NPDC1: variants seen among roughly 807,000 people sequenced by gnomAD.
NPDC1 encodes the protein neural proliferation, differentiation and control 1.
NPDC1 carries 18 observed loss-of-function variants against 32.5 expected under a neutral mutation model. The observed-to-expected ratio is 0.55, with a 90% CI of 0.38 to 0.82. The LOEUF (loss-of-function observed/expected upper bound fraction) is 0.82, where lower values mean the gene tolerates loss of function less well. Among genes scored for constraint, NPDC1 ranks in the 40% least tolerant of loss-of-function variants. The probability of loss-of-function intolerance (pLI) is 0.00; values close to 1 mark genes in which losing one functional copy is unlikely to be tolerated. For missense variants in NPDC1, 468 were observed against 406.6 expected, an observed-to-expected ratio of 1.15 and a Z score of -1.30; for synonymous variants, 210 against 184.7, an observed-to-expected ratio of 1.14 and a Z score of -1.11.
rs776417825 is a variant in NPDC1 at position 137,041,229 on chromosome 9, G to A, written c.260-42C>T. On this transcript the variant is annotated intron_variant, in intron 2 of 8. Transcript: ENST00000371601. ...GCCATCAGGTGGAGGGGTCCGTCCA[G>A]GAGGTAGCCCCAGGCCCGGCCTCCC... 31 of 1,387,572 alleles carry A rather than the reference G, an allele frequency of 2.2e-5. No individual in the cohort carries two copies. In the African/African-American group the frequency reaches 4.2e-4, roughly 19 times the overall value. 86.0% of individuals were successfully genotyped at this position (1,387,572 alleles called of 1,614,324 possible).
Position 137,045,956 on chromosome 9 carries a change from G to A in NPDC1, c.34C>T (p.His12Tyr). 1 of 1,192,960 alleles carries A rather than the reference G, an allele frequency of 8.4e-7. No homozygotes were observed. Among genetic ancestry groups the A allele is most frequent in the Non-Finnish European group, 1.0e-6 (1 of 963,008 alleles). The allele number at this position is 1,192,960 out of a possible 1,614,324, so 73.9% of individuals were successfully genotyped here. ...ATPLPPPSPR[H>Y]LRLLRLLLSG... The stretch of plus-strand genomic sequence containing the variant: ...AGCAGCAGCCGCAGCAGCCGCAGGT[G>A]CCGCGGGGAGGGCGGAGGCAGCGGC... The change falls in exon 1 of 9, where the codon CAC becomes TAC. Residue 12 changes from histidine to tyrosine, a missense_variant. By Grantham distance (83) the His-to-Tyr change is moderately conservative (BLOSUM62 2). Transcript: ENST00000371601.
Position 137,041,053 on chromosome 9 carries a change from G to T in NPDC1, c.385+9C>A. 1 of 1,520,172 alleles carries T rather than the reference G, an allele frequency of 6.6e-7. No homozygotes were observed. Among genetic ancestry groups the T allele is most frequent in the Non-Finnish European group, 8.8e-7 (1 of 1,135,522 alleles). 94.2% of individuals were successfully genotyped at this position (1,520,172 alleles called of 1,614,324 possible). ...CAGGGCCGTGGGGCAGGGGAAGCGG[G>T]GGTCTCACCAGGCTCCGGGAGCCGC... On this transcript the variant is annotated intron_variant, in intron 3 of 8. Coordinates refer to ENST00000371601, the MANE Select transcript of NPDC1 (RefSeq NM_015392.4).
At chr9:137,043,826 GC>G (rs1832091083) in intron 1 of NPDC1, 1 of 180,948 alleles carries the variant, frequency 5.5e-6, no homozygotes, top group African/African-American at 2.4e-5. Context: ...CTGATGAGGG[GC>G]CCAGGCCACG....
chr9:137,040,562 G>C lies in NPDC1; in HGVS notation c.660C>G (p.Asp220Glu). The C allele has an allele frequency of 1.3e-6, 2 of 1,584,696 alleles. No homozygotes were observed. Among genetic ancestry groups the C allele is most frequent in the Non-Finnish European group, 1.7e-6 (2 of 1,171,384 alleles). ...AGCCAGGGGCCTTCGCAGTGGCGTA[G>C]TCGGCCTTCTGAGTCAGGCGGATCT... is the stretch of plus-strand genomic sequence containing the variant. Reference protein sequence around the residue: ...QREIRLTQKADYATAKAPGSP... With the variant: ...QREIRLTQKAEYATAKAPGSP... The change falls in exon 6 of 9, where the codon GAC becomes GAG. Residue 220 changes from aspartate (D) to glutamate (E), a missense_variant. Transcript: ENST00000371601.
intron 1 of NPDC1, chr9:137,043,428 G>A (rs1296654583): frequency 1.5e-6 from 1 of 665,492 alleles, no homozygotes; most frequent in Non-Finnish European, 2.8e-6. Context: ...ATGCCCCACA[G>A]CAAGCCAGGA....
In NPDC1 at chr9:137,043,194, G is replaced by A. The variant is rs1053907319; in HGVS notation, c.113-121C>T. ...CCCCGAGCTGGCCGGGCCTGGTTCT[G>A]GCCATTGTTCTGGACATGCCCTTCC... On this transcript the variant is annotated intron_variant, in intron 1 of 8. Transcript: ENST00000371601. 3.9e-5 allele frequency: 46 copies of A among 1,167,448 alleles called. No individual in the cohort carries two copies. In the Middle Eastern group the frequency reaches 1.5e-3, roughly 39 times the overall value. 72.3% of individuals were successfully genotyped at this position (1,167,448 alleles called of 1,614,324 possible).
chr9:137,044,601 C>T (rs1001662912), intron 1 of NPDC1, among the ~76,000 whole-genome samples: 5 of 152,230 alleles, frequency 3.3e-5, no homozygotes, highest in South Asian at 2.1e-4. Flanking sequence ...CCCCTCCACC[C>T]GCCAACGTCT....
Position 137,040,800 on chromosome 9 carries a change from C to T in NPDC1, c.556+14G>A, listed in dbSNP as rs200692826. The stretch of plus-strand genomic sequence containing the variant: ...GCGCCCTGCTGCCCCTGCCCACCCC[C>T]GACCAAGACCTACCAAGGGCGAGGC... On this transcript the variant is annotated intron_variant, in intron 4 of 8. Coordinates refer to ENST00000371601, the MANE Select transcript of NPDC1 (RefSeq NM_015392.4). 411 of 1,588,426 alleles carry T rather than the reference C, an allele frequency of 2.6e-4. 3 individuals carry two copies. In the East Asian group the frequency reaches 7.2e-3, roughly 28 times the overall value.
At position 137,039,795 on chromosome 9, in the gene NPDC1, T is replaced by G; in HGVS notation, c.955A>C (p.Ser319Arg). Residue 319 changes from serine to arginine, a missense_variant, in exon 9 of 9, where the codon AGC (serine) becomes CGC (arginine). Coordinates refer to ENST00000371601, the MANE Select transcript of NPDC1 (RefSeq NM_015392.4). ...AALSAPLPAP[S>R]SPPALP ...GGTCATGGCAGTGCAGGCGGTGAGC[T>G]GGGGGCCGGCAGGGGCGCGGACAGT... The G allele has an allele frequency of 1.3e-6, 1 of 775,718 alleles. No homozygotes were observed. Among genetic ancestry groups the G allele is most frequent in the South Asian group, 1.3e-5 (1 of 74,466 alleles). The allele number at this position is 775,718 out of a possible 1,614,324, so 48.1% of individuals were successfully genotyped here. A position where few individuals can be genotyped will look rare whatever the true frequency, so the allele number is the denominator to read the frequency against.
At chr9:137,045,617 A>C (rs1423410014) in intron 1 of NPDC1, among the ~76,000 whole-genome samples, 1 of 152,202 alleles carries the variant, frequency 6.6e-6, no homozygotes, top group Non-Finnish European at 1.5e-5. Flanking sequence ...CCGGCGGAAG[A>C]AGCCATGAAT....
Position 137,040,975 on chromosome 9 carries a change from C to T in NPDC1, c.395G>A (p.Gly132Asp), listed in dbSNP as rs1832040723. The stretch of plus-strand genomic sequence containing the variant: ...CAGCCCCTGCCCCCGTGCCGAGAAG[C>T]CCAGGGTGGCTGCGAGAGAGGACAG... ...RQRLPEPATL[G>D]FSARGQGLEL... The change falls in exon 4 of 9, where the codon GGC (glycine) becomes GAC (aspartate). Residue 132 changes from glycine to aspartate, a missense_variant. Physicochemically the swap from Gly to Asp is moderately conservative, Grantham distance 94 (BLOSUM62 -1). Coordinates refer to ENST00000371601, the MANE Select transcript of NPDC1 (RefSeq NM_015392.4). 6.5e-7 allele frequency: 1 copy of T among 1,539,084 alleles called. No homozygotes were observed. Among genetic ancestry groups the T allele is most frequent in the Non-Finnish European group, 8.7e-7 (1 of 1,145,698 alleles).
chr9:137,040,085 G>T lies in NPDC1; in HGVS notation c.789-18C>A. On this transcript the variant is annotated intron_variant, in intron 7 of 8. Coordinates refer to ENST00000371601, the MANE Select transcript of NPDC1 (RefSeq NM_015392.4). ...CTTTATGCCTGGGTGGGGGGGGATC[G>T]CTGGGTCCTCCCCATGCCCTCGAGG... 1 of 773,978 alleles carries T rather than the reference G, an allele frequency of 1.3e-6. No individual in the cohort carries two copies. 47.9% of individuals were successfully genotyped at this position (773,978 alleles called of 1,614,324 possible). A position where few individuals can be genotyped will look rare whatever the true frequency, so the allele number is the denominator to read the frequency against.
rs1588546414 is a variant in NPDC1 at position 137,039,530 on chromosome 9, C to T, written c.*242G>A. On this transcript the variant is annotated 3_prime_UTR_variant, in exon 9 of 9. Coordinates refer to ENST00000371601, the MANE Select transcript of NPDC1 (RefSeq NM_015392.4). ...ATTACCCACCCGTTCCTGCGCTCTA[C>T]GGTTCTCCATGCCCCCTCCAGTTTG... The T allele has an allele frequency of 7.9e-6, 4 of 508,582 alleles. No homozygotes were observed. The highest frequency in any genetic ancestry group is 3.9e-5 in the African/African-American group (2 of 51,088). 31.5% of individuals were successfully genotyped at this position (508,582 alleles called of 1,614,324 possible). A position where few individuals can be genotyped will look rare whatever the true frequency, so the allele number is the denominator to read the frequency against.
chr9:137,044,325 G>A (rs963895911), intron 1 of NPDC1, among the ~76,000 whole-genome samples: 1 of 152,328 alleles, frequency 6.6e-6, no homozygotes, highest in Non-Finnish European at 1.5e-5. Context: ...ACTTGGGCAC[G>A]TTAAACATTA....
rs994271126 is a variant in NPDC1 at position 137,042,842 on chromosome 9, G to A, written c.259+85C>T. ...CACAGTGCTGGGATTACAGGCATGA[G>A]CCACCGCGCCCAGCCGGCCGCTTCT... On this transcript the variant is annotated intron_variant, in intron 2 of 8. Transcript: ENST00000371601. The A allele has an allele frequency of 9.4e-6, 14 of 1,495,646 alleles. No homozygotes were observed. The Middle Eastern group carries it at 5.4e-4, about 57-fold the overall frequency. The allele number at this position is 1,495,646 out of a possible 1,614,324, so 92.6% of individuals were successfully genotyped here.
intron 2 of NPDC1, among the ~76,000 whole-genome samples, chr9:137,042,702 G>C (rs1468107155): frequency 6.6e-6 from 1 of 151,950 alleles, no homozygotes; most frequent in East Asian, 1.9e-4. Context: ...TGGGACTACA[G>C]GTGTGTGCCA....
intron 2 of NPDC1, 68 bp from the exon 3 acceptor site, chr9:137,041,255 C>T (rs557488598): frequency 1.2e-5 from 16 of 1,335,420 alleles, no homozygotes; most frequent in East Asian, 1.2e-4. Flanking sequence ...CCGGCCTCCC[C>T]GCTTCTGGCA....
At position 137,040,702 on chromosome 9, in the gene NPDC1, C is replaced by T. The variant is rs138330772; in HGVS notation, c.592G>A (p.Ala198Thr). ...CAGCAGAGGGAGGCTACGGAGAGGG[C>T]GGCTGCACCGGCCACACAGAACGCC... ...ILAFCVAGAAALSVASLCWCR... is the reference protein window; with the variant it reads ...ILAFCVAGAATLSVASLCWCR... Residue 198 changes from alanine (A) to threonine (T), a missense_variant, in exon 5 of 9, where the codon GCC becomes ACC. Ala to Thr is a moderately conservative substitution (Grantham distance 58). Coordinates refer to ENST00000371601, the MANE Select transcript of NPDC1 (RefSeq NM_015392.4). 55 of 1,586,468 alleles carry T rather than the reference C, an allele frequency of 3.5e-5. No individual in the cohort carries two copies. In the East Asian group the frequency reaches 5.7e-4, roughly 16 times the overall value.
intron 7 of NPDC1, 59 bp from the exon 8 acceptor site, chr9:137,040,126 C>G: frequency 1.3e-6 from 1 of 747,332 alleles, no homozygotes; most frequent in Admixed American, 1.8e-5. Context: ...GTGGCCCAGT[C>G]TGGAAGTGGG....
Sources: gnomAD v4.1 joint callset for allele counts (sites outside exome capture counted in the v4.1 genomes callset) on GRCh38, gnomAD v4.1.1 for gene constraint, MANE v1.5 for transcripts, NCBI Gene and HGNC (gene_info 2026-07-23, HGNC 2026-07-21) for gene names.